IL18RAP: variants seen among roughly 807,000 people sequenced by gnomAD.
The protein encoded by IL18RAP is interleukin 18 receptor accessory protein, also known as interleukin-18 receptor accessory protein.
In IL18RAP, 37 loss-of-function variants were observed where a neutral mutation model predicts 58.1. That is an observed-to-expected ratio of 0.64 (90% confidence interval 0.49 to 0.84). The LOEUF is 0.84. Among genes scored for constraint, IL18RAP ranks in the 40% least tolerant of loss-of-function variants. The pLI is 0.00. For missense variants in IL18RAP, 667 were observed against 704.8 expected, an observed-to-expected ratio of 0.95 and a Z score of 0.61; for synonymous variants, 268 against 257.5, an observed-to-expected ratio of 1.04 and a Z score of -0.39.
At chr2:102,438,865 G>A (rs1682920447) in intron 4 of IL18RAP, 1 of 152,290 alleles carries the variant, frequency 6.6e-6, no homozygotes, top group Admixed American at 6.5e-5. Context: ...GAAGCAGGCT[G>A]TCATAATACA....
At chr2:102,424,847 T>C (rs1228970468) in intron 3 of IL18RAP, among the ~76,000 whole-genome samples, 4 of 152,300 alleles carry the variant, frequency 2.6e-5, no homozygotes, top group East Asian at 1.9e-4. Flanking sequence ...AGACAGCTCT[T>C]GGAGGACAGT....
At chr2:102,448,126 G>A (rs1454231204) in intron 8 of IL18RAP, among the ~76,000 whole-genome samples, 3 of 152,204 alleles carry the variant, frequency 2.0e-5, no homozygotes, top group Admixed American at 6.5e-5. Context: ...GTGTATGCCT[G>A]CCATGTGTGT....
intron 3 of IL18RAP, among the ~76,000 whole-genome samples, chr2:102,429,937 A>T (rs1358238952): frequency 2.6e-5 from 4 of 152,020 alleles, no homozygotes; most frequent in African/African-American, 9.7e-5. Flanking sequence ...TACACTTGAT[A>T]TGATTTCAAT....
At chr2:102,426,631 A>G (rs1681962677) in intron 3 of IL18RAP, among the ~76,000 whole-genome samples, 1 of 152,296 alleles carries the variant, frequency 6.6e-6, no homozygotes, top group Non-Finnish European at 1.5e-5. Flanking sequence ...GAGAAGAATG[A>G]AATTGTATCT....
upstream of IL18RAP, among the ~76,000 whole-genome samples, chr2:102,422,290 GTC>G: frequency 6.6e-6 from 1 of 152,172 alleles, no homozygotes; most frequent in East Asian, 1.9e-4. Context: ...TGCCAAGGTG[GTC>G]TCTCTGCTCT....
chr2:102,423,177 G>A lies in IL18RAP; in HGVS notation c.-101G>A. 9.5e-7 allele frequency: 1 copy of A among 1,056,184 alleles called. No homozygotes were observed. Among genetic ancestry groups the A allele is most frequent in the Non-Finnish European group, 1.5e-6 (1 of 682,680 alleles). 65.4% of individuals were successfully genotyped at this position (1,056,184 alleles called of 1,614,324 possible). A position where few individuals can be genotyped will look rare whatever the true frequency, so the allele number is the denominator to read the frequency against. ...TTCATTTCCCATTTCTTGATTTACA[G>A]AAATGAAGGGGATACTCAGGGCAGA... On this transcript the variant is annotated 5_prime_UTR_variant, in exon 1 of 10. Transcript: ENST00000687160.
At position 102,452,299 on chromosome 2, in the gene IL18RAP, G is replaced by A. The variant is rs1212084603; in HGVS notation, c.*118G>A. The A allele has an allele frequency of 1.0e-5, 10 of 995,454 alleles. No homozygotes were observed. Among genetic ancestry groups the A allele is most frequent in the East Asian group, 2.5e-5 (1 of 40,072 alleles). 61.7% of individuals were successfully genotyped at this position (995,454 alleles called of 1,614,324 possible). A position where few individuals can be genotyped will look rare whatever the true frequency, so the allele number is the denominator to read the frequency against. On this transcript the variant is annotated 3_prime_UTR_variant, in exon 10 of 10. Transcript: ENST00000687160. ...AGGAAATTCAAAGAGTCTCCTGCCA[G>A]CACCAAGCAAGCTTGATGGACAATG...
Position 102,437,264 on chromosome 2 carries a change from T to C in IL18RAP, c.632T>C (p.Val211Ala). Reference sequence around the variant, plus strand: ...AGCAACCGAATCGTAGTGGATGAAGTTTATGACTATCACCAGGGCACATAT... The same window carrying C: ...AGCAACCGAATCGTAGTGGATGAAGCTTATGACTATCACCAGGGCACATAT... ...ERSNRIVVDE[V>A]YDYHQGTYVC... Residue 211 changes from valine (V) to alanine (A), a missense_variant, in exon 4 of 10, where the codon GTT (valine) becomes GCT (alanine). Physicochemically the swap from Val to Ala is moderately conservative, Grantham distance 64 (BLOSUM62 0). Coordinates refer to ENST00000687160, the MANE Select transcript of IL18RAP (RefSeq NM_001393487.1). 1 of 1,613,750 alleles carries C rather than the reference T, an allele frequency of 6.2e-7. No individual in the cohort carries two copies. Among genetic ancestry groups the C allele is most frequent in the Non-Finnish European group, 8.5e-7 (1 of 1,179,816 alleles).
chr2:102,426,361 C>A (rs550839932), intron 3 of IL18RAP, among the ~76,000 whole-genome samples: 2 of 152,166 alleles, frequency 1.3e-5, no homozygotes, highest in South Asian at 4.2e-4. Flanking sequence ...AATCCCTGGG[C>A]TTGGAGTCTC....
intron 4 of IL18RAP, among the ~76,000 whole-genome samples, chr2:102,438,539 T>A (rs1682899406): frequency 6.6e-6 from 1 of 152,178 alleles, no homozygotes; most frequent in African/African-American, 2.4e-5. Flanking sequence ...CGCACCACTT[T>A]TCCCCTCCAA....
Position 102,424,309 on chromosome 2 carries a change from C to T in IL18RAP, c.474C>T (p.Ser158=), listed in dbSNP as rs776271537. The part of the protein sequence containing the change: ...KPQTNASCEY[S]ASHKQDLLLG... ...AGACAAATGCATCCTGTGAGTATTC[C>T]GCATCACATAAGCAAGACCTACTTC... The change falls in exon 3 of 10, where the codon TCC becomes TCT. Residue 158 remains serine, a synonymous_variant. Coordinates refer to ENST00000687160, the MANE Select transcript of IL18RAP (RefSeq NM_001393487.1). 22 of 1,613,772 alleles carry T rather than the reference C, an allele frequency of 1.4e-5. No individual in the cohort carries two copies. Among genetic ancestry groups the T allele is most frequent in the African/African-American group, 4.0e-5 (3 of 74,878 alleles).
intron 9 of IL18RAP, 74 bp downstream of exon 9, chr2:102,451,095 A>T (rs1683737157): frequency 7.8e-7 from 1 of 1,282,732 alleles, no homozygotes; most frequent in Non-Finnish European, 1.1e-6. Flanking sequence ...CTTTTTTGTC[A>T]TTCTTTGTTT....
intron 3 of IL18RAP, chr2:102,434,581 T>C (rs1682609738): frequency 6.6e-6 from 1 of 152,186 alleles, no homozygotes; most frequent in Non-Finnish European, 1.5e-5. Context: ...GACAGAGTGC[T>C]CTGCTGTTAA....
At chr2:102,450,438 T>C (rs1683693445) in intron 8 of IL18RAP, among the ~76,000 whole-genome samples, 1 of 152,156 alleles carries the variant, frequency 6.6e-6, no homozygotes, top group Non-Finnish European at 1.5e-5. Context: ...TTTTTCTCCT[T>C]GGATACGATG....
chr2:102,440,783 GTTTGACAGTGGAGGCATA>G (rs1216233022), intron 4 of IL18RAP, among the ~76,000 whole-genome samples: 1 of 152,312 alleles, frequency 6.6e-6, no homozygotes, highest in African/African-American at 2.4e-5. Context: ...TCAGGAGGAA[GTTTGACAGTGGAGGCATA>G]TTTGACAGTG....
At chr2:102,432,564 G>A (rs918966497) in intron 3 of IL18RAP, among the ~76,000 whole-genome samples, 1 of 152,188 alleles carries the variant, frequency 6.6e-6, no homozygotes, top group Non-Finnish European at 1.5e-5. Context: ...TGGGCAGGGG[G>A]AGAAACTAGG....
At chr2:102,434,971 AT>A (rs1323760966) in intron 3 of IL18RAP, 1 of 152,050 alleles carries the variant, frequency 6.6e-6, no homozygotes, top group Non-Finnish European at 1.5e-5. Context: ...ATTATCAATA[AT>A]TTCCATAATA....
At chr2:102,444,863 T>C (rs1262703801) in intron 6 of IL18RAP, among the ~76,000 whole-genome samples, 2 of 152,210 alleles carry the variant, frequency 1.3e-5, no homozygotes, top group African/African-American at 4.8e-5. Context: ...GACTGATACA[T>C]AGTAAACCTT....
At chr2:102,418,693 T>A (rs1207225462), upstream of IL18RAP, 1 of 152,342 alleles carries the variant, frequency 6.6e-6, no homozygotes, top group Non-Finnish European at 1.5e-5. Context: ...CATTTCACAA[T>A]GTCCATGGTC....
Sources: gnomAD v4.1 joint callset for allele counts (sites outside exome capture counted in the v4.1 genomes callset) on GRCh38, gnomAD v4.1.1 for gene constraint, MANE v1.5 for transcripts, NCBI Gene and HGNC (gene_info 2026-07-23, HGNC 2026-07-21) for gene names.